PRH1: variants seen among roughly 807,000 people sequenced by gnomAD.
PRH1 encodes proline rich protein HaeIII subfamily 1.
In PRH1, 7 loss-of-function variants were observed where a neutral mutation model predicts 7.9. That is an observed-to-expected ratio of 0.89 (90% confidence interval 0.50 to 1.67). PRH1 has a LOEUF of 1.67. PRH1 is among the 40% of genes most tolerant of loss of function. PRH1 has a pLI of 0.00. For synonymous variants in PRH1, 45 were observed against 80.8 expected, an observed-to-expected ratio of 0.56 and a Z score of 2.38; for missense variants, 109 against 223.6, an observed-to-expected ratio of 0.49 and a Z score of 3.27.
chr12:10,927,799 A>T (rs1474067011), intron 2 of PRH1, among the ~76,000 whole-genome samples: 1 of 152,218 alleles, frequency 6.6e-6, no homozygotes, highest in Non-Finnish European at 1.5e-5. Context: ...GTGCACAAAA[A>T]GTGAAAAATT....
At chr12:11,164,731 T>C (rs1947521331) in intron 1 of PRH1, among the ~76,000 whole-genome samples, 3 of 134,770 alleles carry the variant, frequency 2.2e-5, no homozygotes, top group South Asian at 2.2e-4. Context: ...CCTAATGTGG[T>C]CTGAGGCTTC....
chr12:10,904,120 T>C (rs1949768095), intron 2 of PRH1, among the ~76,000 whole-genome samples: 1 of 151,438 alleles, frequency 6.6e-6, no homozygotes, highest in Non-Finnish European at 1.5e-5. Context: ...CAGATTCAAC[T>C]CTATTCCTAT....
chr12:11,070,934 T>G (rs560956621), intron 1 of PRH1, among the ~76,000 whole-genome samples: 33 of 152,138 alleles, frequency 2.2e-4, no homozygotes, highest in Non-Finnish European at 4.6e-4. Context: ...ATTCCAGGGT[T>G]TGTAACAGAT....
At chr12:11,125,863 T>C (rs1233211940) in intron 1 of PRH1, among the ~76,000 whole-genome samples, 3 of 152,236 alleles carry the variant, frequency 2.0e-5, no homozygotes, top group East Asian at 3.8e-4. Flanking sequence ...GGAGGTAGAC[T>C]TCCTGTTTAT....
At chr12:11,084,421 C>T (rs1944613265) in intron 1 of PRH1, among the ~76,000 whole-genome samples, 1 of 150,680 alleles carries the variant, frequency 6.6e-6, no homozygotes, top group Non-Finnish European at 1.5e-5. Context: ...GCTATTAAAA[C>T]TCAGTGATAT....
intron 1 of PRH1, among the ~76,000 whole-genome samples, chr12:11,012,003 CT>C (rs1941089560): frequency 6.6e-6 from 1 of 151,990 alleles, no homozygotes; most frequent in African/African-American, 2.4e-5. Context: ...GTGTCTCATG[CT>C]TAGGCTTTTG....
At chr12:11,131,490 T>A (rs1946338482) in intron 1 of PRH1, among the ~76,000 whole-genome samples, 1 of 152,224 alleles carries the variant, frequency 6.6e-6, no homozygotes, top group Non-Finnish European at 1.5e-5. Context: ...GGTTACTAAC[T>A]CAATTTTTTG....
At chr12:10,914,020 AAAAC>A (rs1415361431) in intron 2 of PRH1, among the ~76,000 whole-genome samples, 1 of 152,212 alleles carries the variant, frequency 6.6e-6, no homozygotes, top group African/African-American at 2.4e-5. Context: ...GTATGTTACT[AAAAC>A]AAAACACCTA....
chr12:10,959,291 G>C (rs1313945601), intron 2 of PRH1, among the ~76,000 whole-genome samples: 2 of 151,814 alleles, frequency 1.3e-5, no homozygotes, highest in East Asian at 1.9e-4. Flanking sequence ...GTTAGTTCAA[G>C]TTCCTGTTAG....
At chr12:11,091,623 A>G in intron 1 of PRH1, 1 of 1,248,478 alleles carries the variant, frequency 8.0e-7, no homozygotes, top group South Asian at 1.2e-5. Flanking sequence ...AGATGTTTAC[A>G]CAAAGAACAG....
intron 1 of PRH1, chr12:10,986,516 G>A (rs1347607879): frequency 1.9e-6 from 3 of 1,613,964 alleles, no homozygotes; most frequent in Non-Finnish European, 2.5e-6. Context: ...GAAAAAGAAG[G>A]TTGGAGAAAT....
At chr12:11,163,060 G>T (rs140973564) in intron 1 of PRH1, among the ~76,000 whole-genome samples, 172 of 152,182 alleles carry the variant, frequency 1.1e-3, no homozygotes, top group African/African-American at 4.0e-3. Context: ...GTTTAAGAAT[G>T]GTATTGTCAA....
In PRH1 at chr12:10,996,094, T is replaced by A. The variant is rs562566254; in HGVS notation, c.-125-22373A>T. ...CACTTTGGGAGGCTGAGGCAGTGGA[T>A]CACTTGAGGTCAAGAGTTCGAGACC... On this transcript the variant is annotated intron_variant, in intron 1 of 3. Coordinates refer to the PRH1 transcript ENST00000539853. Among the ~76,000 whole-genome samples, 3 of 151,778 alleles carry A rather than the reference T, an allele frequency of 2.0e-5. No homozygotes were observed. The East Asian group carries it at 5.8e-4, about 29-fold the overall frequency.
intron 1 of PRH1, chr12:11,061,660 T>C (rs1429847465): frequency 5.0e-6 from 8 of 1,614,142 alleles, no homozygotes; most frequent in East Asian, 2.2e-5. Context: ...TCCTTTGCCA[T>C]GGAGCTGCAT....
intron 1 of PRH1, among the ~76,000 whole-genome samples, chr12:11,054,969 G>C (rs1044576932): frequency 4.1e-5 from 5 of 122,362 alleles, no homozygotes; most frequent in Non-Finnish European, 8.8e-5. Flanking sequence ...CTCACTGCAA[G>C]CTCCATCTCC....
intron 2 of PRH1, among the ~76,000 whole-genome samples, chr12:10,893,714 T>A (rs953705109): frequency 2.0e-5 from 3 of 152,228 alleles, no homozygotes; most frequent in African/African-American, 7.2e-5. Flanking sequence ...GTTCTATCGA[T>A]TACCATATAA....
intron 2 of PRH1, among the ~76,000 whole-genome samples, chr12:10,935,405 T>G (rs1201004904): frequency 1.3e-5 from 2 of 152,184 alleles, no homozygotes; most frequent in South Asian, 4.1e-4. Context: ...AATACTTAAC[T>G]GAAAATATCC....
At chr12:11,092,115 GTC>G in intron 1 of PRH1, 2 of 1,511,014 alleles carry the variant, frequency 1.3e-6, no homozygotes, top group Non-Finnish European at 1.8e-6. Context: ...GAGATCTTTT[GTC>G]TCTTGAACCA....
rs1031770078 is a variant in PRH1, at chr12:11,156,995, G to A, written n.39+14427C>T. ...CGAGTAGCTGGGTCTATAGGCACCCGCCACCATGCCCGGCTAATTTTTTTG... is the reference window on the plus strand; with the variant it reads ...CGAGTAGCTGGGTCTATAGGCACCCACCACCATGCCCGGCTAATTTTTTTG... On this transcript the variant is annotated intron_variant and non_coding_transcript_variant, in intron 1 of 1. Coordinates refer to the PRH1 transcript ENST00000541175. 5.3e-5 allele frequency among the ~76,000 whole-genome samples: 8 copies of A among 151,898 alleles called. No homozygotes were observed. In the South Asian group the frequency reaches 1.5e-3, roughly 28 times the overall value.
Sources: allele counts gnomAD v4.1 joint callset (sites outside exome capture counted in the v4.1 genomes callset), GRCh38; gene constraint gnomAD v4.1.1; transcripts MANE v1.5; gene names NCBI Gene and HGNC (gene_info 2026-07-23, HGNC 2026-07-21).